The following MACROD2 variants were observed in gnomAD, a reference collection of about 807,000 sequenced individuals.
MACROD2 encodes the protein ADP-ribose glycohydrolase MACROD2.
A neutral mutation model predicts 70.4 loss-of-function variants in MACROD2; 36 were observed. The ratio of observed to expected loss-of-function variants is 0.51; its 90% confidence interval spans 0.39 to 0.68. MACROD2 has a LOEUF of 0.68. MACROD2 is among the 30% of genes least tolerant of loss of function. MACROD2 has a pLI of 0.00. For missense variants in MACROD2, 496 were observed against 538.4 expected (o/e 0.92, Z 0.78); for synonymous variants, 172 against 178.8 (o/e 0.96, Z 0.30).
At chr20:14,194,431 T>G (rs2081413416) in intron 3 of MACROD2, among the ~76,000 whole-genome samples, 1 of 152,162 alleles carries the variant, frequency 6.6e-6, no homozygotes, top group South Asian at 2.1e-4. Flanking sequence ...CTACCAGTCT[T>G]CATCTAGAAG....
At chr20:15,270,562 A>G (rs1419892279) in intron 6 of MACROD2, among the ~76,000 whole-genome samples, 2 of 152,198 alleles carry the variant, frequency 1.3e-5, no homozygotes, top group Non-Finnish European at 2.9e-5. Flanking sequence ...GTTAAAATTC[A>G]TAAAACTGTA....
intron 3 of MACROD2, among the ~76,000 whole-genome samples, chr20:14,126,495 G>A (rs112269488): frequency 6.6e-6 from 1 of 152,232 alleles, no homozygotes; most frequent in East Asian, 1.9e-4. Context: ...GCTTTATTGC[G>A]TTCCATAGTG....
intron 8 of MACROD2, among the ~76,000 whole-genome samples, chr20:15,687,001 T>C (rs1241794170): frequency 1.6e-5 from 2 of 126,330 alleles, no homozygotes; most frequent in Non-Finnish European, 3.2e-5. Flanking sequence ...AGTTTCTTTT[T>C]TTTTTCTTTT....
intron 5 of MACROD2, among the ~76,000 whole-genome samples, chr20:14,830,962 T>C (rs1043681887): frequency 6.6e-6 from 1 of 152,160 alleles, no homozygotes; most frequent in Non-Finnish European, 1.5e-5. Context: ...CTGTACCTAG[T>C]TCAAATCGTT....
At chr20:14,812,016 T>C (rs1168255963) in intron 5 of MACROD2, among the ~76,000 whole-genome samples, 1 of 152,072 alleles carries the variant, frequency 6.6e-6, no homozygotes, top group East Asian at 1.9e-4. Flanking sequence ...GAAGACAGTG[T>C]GGTGATTCCT....
At chr20:15,597,874 T>C (rs527807029) in intron 8 of MACROD2, among the ~76,000 whole-genome samples, 2 of 151,922 alleles carry the variant, frequency 1.3e-5, no homozygotes, top group Admixed American at 1.3e-4. Context: ...AGGTCAGGAG[T>C]TTGAGACCAG....
intron 6 of MACROD2, among the ~76,000 whole-genome samples, chr20:15,319,948 G>T (rs1316471055): frequency 6.6e-6 from 1 of 152,008 alleles, no homozygotes; most frequent in Non-Finnish European, 1.5e-5. Flanking sequence ...TTGCCAGGGG[G>T]CTGTAATCCC....
At chr20:15,104,719 G>T (rs17272434) in intron 5 of MACROD2, among the ~76,000 whole-genome samples, 1 of 151,806 alleles carries the variant, frequency 6.6e-6, no homozygotes, top group African/African-American at 2.4e-5. Flanking sequence ...CTGCTATTAC[G>T]CTCTAATCTC....
chr20:15,665,841 C>T (rs2049889884), intron 8 of MACROD2, among the ~76,000 whole-genome samples: 1 of 152,220 alleles, frequency 6.6e-6, no homozygotes, highest in South Asian at 2.1e-4. Context: ...AAGAAACTGA[C>T]AATCCACAGT....
At chr20:15,577,584 A>G (rs1321179078) in intron 8 of MACROD2, among the ~76,000 whole-genome samples, 7 of 151,998 alleles carry the variant, frequency 4.6e-5, no homozygotes. Context: ...CTTGGTATAT[A>G]TCCTTTCCAA....
chr20:14,932,168 C>T (rs2074302217), intron 5 of MACROD2, among the ~76,000 whole-genome samples: 1 of 152,126 alleles, frequency 6.6e-6, no homozygotes, highest in Non-Finnish European at 1.5e-5. Flanking sequence ...CTTATATAAC[C>T]TTCCTCACTT....
chr20:14,249,672 TCATAG>T (rs1389881220), intron 3 of MACROD2, among the ~76,000 whole-genome samples: 1 of 152,172 alleles, frequency 6.6e-6, no homozygotes, highest in African/African-American at 2.4e-5. Context: ...GAGTTTGTTT[TCATAG>T]CAAGATTTAT....
chr20:14,850,891 G>A (rs1410667695), intron 5 of MACROD2, among the ~76,000 whole-genome samples: 2 of 152,066 alleles, frequency 1.3e-5, no homozygotes, highest in Non-Finnish European at 2.9e-5. Flanking sequence ...AGATAATAGT[G>A]TTTTAGAGAG....
At chr20:15,630,229 C>T (rs1481503252) in intron 8 of MACROD2, among the ~76,000 whole-genome samples, 1 of 152,142 alleles carries the variant, frequency 6.6e-6, no homozygotes, top group Non-Finnish European at 1.5e-5. Context: ...CAGAGGAAGC[C>T]AGACAAGAGG....
intron 3 of MACROD2, among the ~76,000 whole-genome samples, chr20:14,308,314 A>G (rs1313994407): frequency 1.3e-5 from 2 of 152,130 alleles, no homozygotes; most frequent in Non-Finnish European, 2.9e-5. Flanking sequence ...TTTGAAGAAT[A>G]TGTCAGCTGA....
intron 2 of MACROD2, among the ~76,000 whole-genome samples, chr20:14,063,775 T>A (rs192925911): frequency 5.4e-4 from 82 of 152,288 alleles, no homozygotes; most frequent in South Asian, 1.0e-3. Context: ...CAGCCCAGGC[T>A]GGAGTGCAGT....
chr20:14,299,582 C>A (rs2082457567), intron 3 of MACROD2, among the ~76,000 whole-genome samples: 1 of 152,088 alleles, frequency 6.6e-6, no homozygotes, highest in Non-Finnish European at 1.5e-5. Context: ...GTTGATAAAG[C>A]AGTGGTAGGG....
intron 6 of MACROD2, among the ~76,000 whole-genome samples, chr20:15,268,342 A>G (rs1436634624): frequency 6.6e-6 from 1 of 152,202 alleles, no homozygotes; most frequent in Non-Finnish European, 1.5e-5. Context: ...ATTCTTTCAG[A>G]TTAAAGTTTT....
chr20:14,073,842 G>GAGGGAAC (rs1312394233), intron 2 of MACROD2, among the ~76,000 whole-genome samples: 3 of 152,152 alleles, frequency 2.0e-5, no homozygotes, highest in Non-Finnish European at 4.4e-5. Context: ...CCCCAAATAT[G>GAGGGAAC]ACTTTTTGAA....
Sources: allele counts gnomAD v4.1 joint callset (sites outside exome capture counted in the v4.1 genomes callset), GRCh38; gene constraint gnomAD v4.1.1; transcripts MANE v1.5; gene names NCBI Gene and HGNC (gene_info 2026-07-23, HGNC 2026-07-21).